CYYR1: variants seen among roughly 807,000 people sequenced by gnomAD.
CYYR1 encodes the protein cysteine and tyrosine rich 1, also known as cysteine and tyrosine-rich protein 1.
A neutral mutation model predicts 15.2 loss-of-function variants in CYYR1; 14 were observed. That is an observed-to-expected ratio of 0.92 (90% CI 0.61 to 1.44). The LOEUF (loss-of-function observed/expected upper bound fraction) is 1.44. Among genes scored for constraint, CYYR1 ranks in the 40% most tolerant of loss-of-function variants. The pLI is 0.00. For synonymous variants in CYYR1, 80 were observed against 77.4 expected, an observed-to-expected ratio of 1.03 and a Z score of -0.18; for missense variants, 228 against 209.5, an observed-to-expected ratio of 1.09 and a Z score of -0.54.
chr21:26,538,914 C>A (rs1479439204), intron 2 of CYYR1, among the ~76,000 whole-genome samples: 2 of 152,102 alleles, frequency 1.3e-5, no homozygotes, highest in African/African-American at 4.8e-5. Context: ...GTGATATAGT[C>A]ATATGTGCTT....
intron 2 of CYYR1, among the ~76,000 whole-genome samples, chr21:26,488,074 G>A (rs193211546): frequency 6.6e-6 from 1 of 151,500 alleles, no homozygotes; most frequent in Non-Finnish European, 1.5e-5. Flanking sequence ...TTAGCCTCAT[G>A]ATAATAAAAC....
intron 2 of CYYR1, among the ~76,000 whole-genome samples, chr21:26,484,407 T>A (rs714428): frequency 0.83 from 125,804 of 152,058 alleles, 52,845 homozygotes; most frequent in Non-Finnish European, 0.88. Context: ...ATATCAATAA[T>A]CTCCTTTAAA....
chr21:26,522,903 G>A (rs1001375267), intron 2 of CYYR1, among the ~76,000 whole-genome samples: 1 of 152,226 alleles, frequency 6.6e-6, no homozygotes, highest in African/African-American at 2.4e-5. Context: ...CAATAGGCAT[G>A]AAAGCGTGAA....
Position 26,468,249 on chromosome 21 carries a change from C to G in CYYR1, c.*252G>C. The G allele has an allele frequency of 2.0e-6, 1 of 491,104 alleles. No individual in the cohort carries two copies. Among genetic ancestry groups the G allele is most frequent in the East Asian group, 3.7e-5 (1 of 26,880 alleles). 30.4% of individuals were successfully genotyped at this position (491,104 alleles called of 1,614,324 possible). On this transcript the variant is annotated 3_prime_UTR_variant, in exon 4 of 4. Coordinates refer to ENST00000652641, the MANE Select transcript of CYYR1 (RefSeq NM_001320768.2). ...ATTTTGTCAATTACATTACTCTTCC[C>G]TGAATGTGCTTAGGTGGATCAGCAG...
chr21:26,497,712 A>G (rs2065426778), intron 2 of CYYR1, among the ~76,000 whole-genome samples: 1 of 152,180 alleles, frequency 6.6e-6, no homozygotes, highest in Non-Finnish European at 1.5e-5. Flanking sequence ...AGTCATACAC[A>G]CTGCCTCGTA....
chr21:26,510,139 G>T (rs921802858), intron 2 of CYYR1, among the ~76,000 whole-genome samples: 1 of 133,094 alleles, frequency 7.5e-6, no homozygotes, highest in Non-Finnish European at 1.7e-5. Context: ...ATATCAGAAA[G>T]GTTTGTAAGT....
intron 2 of CYYR1, among the ~76,000 whole-genome samples, chr21:26,498,580 C>T (rs760643905): frequency 6.6e-6 from 1 of 152,130 alleles, no homozygotes; most frequent in Non-Finnish European, 1.5e-5. Flanking sequence ...GCCTTATGAG[C>T]CATGCTAACA....
At chr21:26,495,175 A>G (rs573417927) in intron 2 of CYYR1, among the ~76,000 whole-genome samples, 1 of 152,196 alleles carries the variant, frequency 6.6e-6, no homozygotes, top group Non-Finnish European at 1.5e-5. Context: ...AAGGAGAATT[A>G]CAGTCTGGGT....
At chr21:26,564,497 C>G (rs928897335) in intron 2 of CYYR1, among the ~76,000 whole-genome samples, 9 of 152,142 alleles carry the variant, frequency 5.9e-5, no homozygotes, top group Non-Finnish European at 1.3e-4. Context: ...TGTATCAGCT[C>G]AACCAATTCT....
chr21:26,477,993 T>C (rs2065125376), intron 3 of CYYR1: 7 of 1,523,558 alleles, frequency 4.6e-6, no homozygotes, highest in Non-Finnish European at 6.2e-6. Flanking sequence ...GGTATTGATA[T>C]ATGATTAATT....
At chr21:26,544,425 T>C (rs1376121438) in intron 2 of CYYR1, among the ~76,000 whole-genome samples, 1 of 152,222 alleles carries the variant, frequency 6.6e-6, no homozygotes, top group South Asian at 2.1e-4. Flanking sequence ...TTATAGATTT[T>C]AGCATACTGA....
At chr21:26,554,305 T>A (rs1834798653) in intron 2 of CYYR1, among the ~76,000 whole-genome samples, 1 of 152,154 alleles carries the variant, frequency 6.6e-6, no homozygotes, top group African/African-American at 2.4e-5. Flanking sequence ...TTAAAGCAAA[T>A]CATTACCCAC....
chr21:26,520,237 A>AC (rs1458771375), intron 2 of CYYR1, among the ~76,000 whole-genome samples: 1 of 123,348 alleles, frequency 8.1e-6, no homozygotes, highest in African/African-American at 3.3e-5. Context: ...CTCAACCCCT[A>AC]CCCCCCAACA....
intron 2 of CYYR1, among the ~76,000 whole-genome samples, chr21:26,506,086 T>C (rs955714198): frequency 6.6e-6 from 1 of 152,172 alleles, no homozygotes; most frequent in African/African-American, 2.4e-5. Flanking sequence ...AATAGGCCCA[T>C]TGTGCCCATT....
intron 2 of CYYR1, among the ~76,000 whole-genome samples, chr21:26,492,048 T>C: frequency 6.6e-6 from 1 of 152,220 alleles, no homozygotes; most frequent in East Asian, 1.9e-4. Flanking sequence ...CTTACCTGTG[T>C]CAGCCTGATG....
intron 3 of CYYR1, chr21:26,477,600 T>C (rs2065121110): frequency 2.0e-6 from 1 of 490,190 alleles, no homozygotes; most frequent in South Asian, 8.7e-5. Flanking sequence ...TTTCTAACTT[T>C]ATTCAAAGTT....
At chr21:26,490,251 G>A (rs963346401) in intron 2 of CYYR1, among the ~76,000 whole-genome samples, 10 of 152,128 alleles carry the variant, frequency 6.6e-5, no homozygotes, top group Non-Finnish European at 1.5e-4. Flanking sequence ...AGTGAGCCAA[G>A]ATAGCCTCAC....
At chr21:26,544,754 A>G (rs1417389390) in intron 2 of CYYR1, among the ~76,000 whole-genome samples, 1 of 152,140 alleles carries the variant, frequency 6.6e-6, no homozygotes, top group African/African-American at 2.4e-5. Flanking sequence ...ATCTATCTCT[A>G]TATTTTTGAA....
chr21:26,533,448 G>T (rs1484103733), intron 2 of CYYR1, among the ~76,000 whole-genome samples: 1 of 151,972 alleles, frequency 6.6e-6, no homozygotes, highest in Non-Finnish European at 1.5e-5. Context: ...TGAGAACAAA[G>T]AACACTGAAG....
Sources: gnomAD v4.1 joint callset for allele counts (sites outside exome capture counted in the v4.1 genomes callset) on GRCh38, gnomAD v4.1.1 for gene constraint, MANE v1.5 for transcripts, NCBI Gene and HGNC (gene_info 2026-07-23, HGNC 2026-07-21) for gene names.